The following PCDHA5 variants were observed in gnomAD, a reference collection of about 807,000 sequenced individuals.
PCDHA5 encodes the protein protocadherin alpha 5, also known as protocadherin alpha-5.
In PCDHA5, 43 loss-of-function variants were observed where a neutral mutation model predicts 61.6. The ratio of observed to expected loss-of-function variants is 0.70; its 90% CI spans 0.55 to 0.90. The LOEUF (loss-of-function observed/expected upper bound fraction) is 0.90, where lower values mean the gene tolerates loss of function less well. PCDHA5 is among the 40% of genes least tolerant of loss of function. The pLI, the probability that PCDHA5 is intolerant of heterozygous loss-of-function variation, is 0.00. For missense variants in PCDHA5, 1,298 were observed against 1,222.7 expected, an observed-to-expected ratio of 1.06 and a Z score of -0.92; for synonymous variants, 627 against 543.9, an observed-to-expected ratio of 1.15 and a Z score of -2.13.
chr5:140,851,715 G>C, intron 1 of PCDHA5: 1 of 964,012 alleles, frequency 1.0e-6, no homozygotes, highest in Non-Finnish European at 1.3e-6. Context: ...GTGAAGATTC[G>C]AAACTTCGAG....
At chr5:140,863,381 G>T in intron 1 of PCDHA5, 1 of 1,058,634 alleles carries the variant, frequency 9.4e-7, no homozygotes, top group Non-Finnish European at 1.4e-6. Flanking sequence ...CTCACCGAGA[G>T]CTCGTGCATG....
intron 1 of PCDHA5, among the ~76,000 whole-genome samples, chr5:140,839,285 T>C (rs2150296208): frequency 2.0e-5 from 3 of 152,170 alleles, no homozygotes; most frequent in East Asian, 3.9e-4. Flanking sequence ...CTTCCTAGCA[T>C]ATTATTAAAG....
Position 140,852,435 on chromosome 5 carries a change from G to A in PCDHA5, c.2352+28308G>A, listed in dbSNP as rs2150516888. ...TGGGATTATAGGCACATGCCACCGC[G>A]CCCAGCTAATTTTTGTATTTTTAGT... On this transcript the variant is annotated intron_variant, in intron 1 of 3. Coordinates refer to ENST00000529859, the MANE Select transcript of PCDHA5 (RefSeq NM_018908.3). 3.0e-4 allele frequency: 55 copies of A among 181,308 alleles called. 4 individuals carry two copies. Among genetic ancestry groups the A allele is most frequent in the African/African-American group, 1.1e-3 (44 of 41,148 alleles). 11.2% of individuals were successfully genotyped at this position (181,308 alleles called of 1,614,324 possible).
intron 1 of PCDHA5, among the ~76,000 whole-genome samples, chr5:140,953,085 A>G (rs1197965470): frequency 2.0e-5 from 3 of 152,246 alleles, no homozygotes; most frequent in African/African-American, 4.8e-5. Flanking sequence ...ATTGGGGATT[A>G]CAATTTGACA....
intron 1 of PCDHA5, among the ~76,000 whole-genome samples, chr5:140,872,315 AAAT>A (rs1554166135): frequency 1.3e-5 from 2 of 152,130 alleles, no homozygotes. Context: ...TGCTTTATGG[AAAT>A]AATATGACTA....
chr5:140,890,452 G>A (rs72800989), intron 1 of PCDHA5, among the ~76,000 whole-genome samples: 2,230 of 151,860 alleles, frequency 0.015, 28 homozygotes, highest in Non-Finnish European at 0.022. Context: ...GATATCTTTA[G>A]GCACAAATAT....
intron 3 of PCDHA5, among the ~76,000 whole-genome samples, chr5:140,992,344 T>G (rs2097506257): frequency 6.6e-6 from 1 of 152,124 alleles, no homozygotes; most frequent in Non-Finnish European, 1.5e-5. Context: ...GATGGAAATG[T>G]GGAGAGAGGA....
intron 1 of PCDHA5, chr5:140,928,082 T>C: frequency 1.2e-6 from 2 of 1,614,212 alleles, no homozygotes. Context: ...TACTACAGCC[T>C]GCTGATTGAT....
At chr5:140,854,902 A>G (rs2043266382) in intron 1 of PCDHA5, among the ~76,000 whole-genome samples, 1 of 150,050 alleles carries the variant, frequency 6.7e-6, no homozygotes, top group African/African-American at 2.4e-5. Flanking sequence ...AAGCGTAAAT[A>G]TAACAGGGTT....
At chr5:140,879,864 T>C (rs2058152773) in intron 1 of PCDHA5, among the ~76,000 whole-genome samples, 1 of 152,226 alleles carries the variant, frequency 6.6e-6, no homozygotes, top group Admixed American at 6.5e-5. Flanking sequence ...CCTTCTCAGC[T>C]TTCATGGTCA....
chr5:140,852,671 T>C (rs1371221007), intron 1 of PCDHA5: 3 of 965,758 alleles, frequency 3.1e-6, no homozygotes, highest in East Asian at 1.1e-4. Context: ...TCAGCACAAC[T>C]CACCTTGAAT....
At chr5:140,852,756 G>A in intron 1 of PCDHA5, 1 of 983,910 alleles carries the variant, frequency 1.0e-6, no homozygotes, top group Non-Finnish European at 1.2e-6. Context: ...CTTGGACCCA[G>A]GTATCTGATT....
chr5:140,875,961 C>G, intron 1 of PCDHA5: 1 of 1,614,004 alleles, frequency 6.2e-7, no homozygotes, highest in Non-Finnish European at 8.5e-7. Flanking sequence ...CGGATATCGG[C>G]GTAAACTCTC....
At chr5:140,926,731 G>C (rs1282301090) in intron 1 of PCDHA5, 9 of 1,104,780 alleles carry the variant, frequency 8.1e-6, no homozygotes, top group Middle Eastern at 3.2e-4. Flanking sequence ...GCCGGCGTTC[G>C]GGAGGCGCAA....
intron 1 of PCDHA5, among the ~76,000 whole-genome samples, chr5:140,923,268 G>C (rs2081286092): frequency 6.6e-6 from 1 of 152,154 alleles, no homozygotes; most frequent in Non-Finnish European, 1.5e-5. Context: ...GTGAGACCTT[G>C]TCTCTACAAA....
intron 1 of PCDHA5, chr5:140,848,738 T>G (rs2150419097): frequency 6.3e-7 from 1 of 1,592,918 alleles, no homozygotes; most frequent in South Asian, 1.1e-5. Context: ...ATCTGCAGAA[T>G]GGCATTTTGT....
rs1767949637 is a variant in PCDHA5, at chr5:140,823,969, A to C, written c.2194A>C (p.Thr732Pro). ...GGCGCAGCCCACCGAGGCCGTGTGCACACGGGGCAAGCCCACTCTGTTGTG... is the reference window on the plus strand; with the variant it reads ...GGCGCAGCCCACCGAGGCCGTGTGCCCACGGGGCAAGCCCACTCTGTTGTG... ...CSAQPTEAVC[T>P]RGKPTLLCSS... The change falls in exon 1 of 4, where the codon ACA becomes CCA. Residue 732 changes from threonine (T) to proline (P), a missense_variant. Thr to Pro is a conservative substitution (Grantham distance 38). Transcript: ENST00000529859. The C allele has an allele frequency of 6.2e-7, 1 of 1,613,902 alleles. No individual in the cohort carries two copies. The highest frequency in any genetic ancestry group is 8.5e-7 in the Non-Finnish European group (1 of 1,179,956).
rs1205531440 is a variant in PCDHA5, at chr5:140,868,945, T to C, written c.2352+44818T>C. On this transcript the variant is annotated intron_variant, in intron 1 of 3. Transcript: ENST00000529859. ...TTCATTTAAAGGTTGGTCTGAACAG[T>C]GAGGCACTCCCATACAAAGGAACTC... 5 of 1,284,792 alleles carry C rather than the reference T, an allele frequency of 3.9e-6. No individual in the cohort carries two copies. The Admixed American group carries it at 1.1e-4, about 28-fold the overall frequency. The allele number at this position is 1,284,792 out of a possible 1,614,324, so 79.6% of individuals were successfully genotyped here. A position where few individuals can be genotyped will look rare whatever the true frequency, so the allele number is the denominator to read the frequency against.
intron 1 of PCDHA5, chr5:140,857,619 A>G: frequency 6.3e-7 from 1 of 1,596,352 alleles, no homozygotes; most frequent in Non-Finnish European, 8.6e-7. Flanking sequence ...CCGCTGGACC[A>G]CGAGGAGCTG....
Sources: allele counts gnomAD v4.1 joint callset (sites outside exome capture counted in the v4.1 genomes callset), GRCh38; gene constraint gnomAD v4.1.1; transcripts MANE v1.5; gene names NCBI Gene and HGNC (gene_info 2026-07-23, HGNC 2026-07-21).